SLC9C1: variants seen among roughly 807,000 people sequenced by gnomAD.
SLC9C1 encodes sodium/hydrogen exchanger 10.
SLC9C1 carries 97 observed loss-of-function variants against 140.9 expected under a neutral mutation model. The observed-to-expected ratio is 0.69, with a 90% CI of 0.58 to 0.82. The LOEUF (loss-of-function observed/expected upper bound fraction) is 0.82, where lower values mean the gene tolerates loss of function less well. SLC9C1 is among the 40% of genes least tolerant of loss of function. SLC9C1 has a pLI of 0.00. For missense variants in SLC9C1, 1,340 were observed against 1,389.3 expected, an observed-to-expected ratio of 0.96 and a Z score of 0.56; for synonymous variants, 440 against 442.6, an observed-to-expected ratio of 0.99 and a Z score of 0.07.
chr3:112,262,863 T>C (rs1000014739), intron 10 of SLC9C1, 61 bp downstream of exon 10: 60 of 1,332,060 alleles, frequency 4.5e-5, no homozygotes, highest in Non-Finnish European at 2.0e-5. Flanking sequence ...AAAACATATA[T>C]TTTAAATACA....
At chr3:112,166,895 G>A (rs1043929308) in intron 26 of SLC9C1, among the ~76,000 whole-genome samples, 1 of 152,006 alleles carries the variant, frequency 6.6e-6, no homozygotes, top group African/African-American at 2.4e-5. Flanking sequence ...TATGTTTGTT[G>A]TTCAGACAGT....
At chr3:112,161,834 G>A (rs1560014855) in intron 26 of SLC9C1, among the ~76,000 whole-genome samples, 8 of 150,446 alleles carry the variant, frequency 5.3e-5, no homozygotes, top group Admixed American at 4.6e-4. Context: ...GATGGGGATG[G>A]CATTGAATCT....
At chr3:112,272,159 C>G (rs1295595769) in intron 6 of SLC9C1, among the ~76,000 whole-genome samples, 1 of 152,130 alleles carries the variant, frequency 6.6e-6, no homozygotes, top group South Asian at 2.1e-4. Context: ...TCCAGCATCT[C>G]CTGTCACTGA....
intron 12 of SLC9C1, among the ~76,000 whole-genome samples, chr3:112,235,289 G>A (rs1234309385): frequency 7.4e-6 from 1 of 136,034 alleles, no homozygotes; most frequent in Non-Finnish European, 1.6e-5. Context: ...TGTTATTGGT[G>A]TATAAGAATG....
chr3:112,285,388 A>G (rs2080479574), intron 2 of SLC9C1, among the ~76,000 whole-genome samples: 1 of 151,978 alleles, frequency 6.6e-6, no homozygotes, highest in African/African-American at 2.4e-5. Flanking sequence ...ATAGGTGTGC[A>G]CCACCACTCC....
chr3:112,172,271 T>A (rs892451641), intron 23 of SLC9C1, among the ~76,000 whole-genome samples: 1 of 152,158 alleles, frequency 6.6e-6, no homozygotes. Flanking sequence ...ATGGTTTTCA[T>A]TGTAGAGTTA....
rs1483544519 is a variant in SLC9C1 at position 112,277,851 on chromosome 3, T to A, written c.328A>T (p.Ile110Phe). 3 of 1,594,098 alleles carry A rather than the reference T, an allele frequency of 1.9e-6. No individual in the cohort carries two copies. The East Asian group carries it at 6.7e-5, about 36-fold the overall frequency. Residue 110 changes from isoleucine (I) to phenylalanine (F), a missense_variant, in exon 5 of 29, where the codon ATT (isoleucine) becomes TTT (phenylalanine). Transcript: ENST00000305815. ...LQKLFWQILL[I>F]SIPGFLVNYI... ...TTAACCAAAAAGCCGGGAATTGAAA[T>A]TAAAAGTATCTGCAAAGAAATTTTA...
chr3:112,143,383 C>G (rs1306479832), intron 28 of SLC9C1, among the ~76,000 whole-genome samples: 1 of 152,164 alleles, frequency 6.6e-6, no homozygotes, highest in African/African-American at 2.4e-5. Context: ...TTCCTTTTCT[C>G]TGCAGCTTCA....
At chr3:112,250,315 T>C (rs2079417261) in intron 10 of SLC9C1, among the ~76,000 whole-genome samples, 1 of 151,694 alleles carries the variant, frequency 6.6e-6, no homozygotes, top group East Asian at 1.9e-4. Flanking sequence ...TCTATCATTG[T>C]TGGACATTTG....
chr3:112,208,113 A>T (rs900809654), intron 16 of SLC9C1, 65 bp downstream of exon 16: 2 of 1,290,216 alleles, frequency 1.6e-6, no homozygotes, highest in Non-Finnish European at 2.1e-6. Context: ...GTGTTGAAAA[A>T]CAAGGCTAGG....
chr3:112,274,877 T>A lies in SLC9C1; in HGVS notation c.613+20A>T, dbSNP rs200623763. The A allele has an allele frequency of 9.2e-6, 14 of 1,516,798 alleles. No homozygotes were observed. The East Asian group carries it at 1.7e-4, about 18-fold the overall frequency. 94.0% of individuals were successfully genotyped at this position (1,516,798 alleles called of 1,614,324 possible). ...TACAGGATTCTGATGTTGAGAAAAA[T>A]TTTTTAAAAATATACTTACCTAAGG... is the stretch of plus-strand genomic sequence containing the variant. On this transcript the variant is annotated intron_variant, in intron 6 of 28. Transcript: ENST00000305815.
In SLC9C1 at chr3:112,291,227, A is replaced by G. The variant is rs182258565; in HGVS notation, c.-88+2866T>C. On this transcript the variant is annotated intron_variant, in intron 1 of 28. Coordinates refer to ENST00000305815, the MANE Select transcript of SLC9C1 (RefSeq NM_183061.3). ...AGGAGTGGGCTAAGGTTTCACGACA[A>G]AGACATCAAAAGCAATCACAACAAA... Among the ~76,000 whole-genome samples the G allele has an allele frequency of 2.8e-4, 42 of 152,304 alleles. No homozygotes were observed. In the East Asian group the frequency reaches 6.0e-3, roughly 22 times the overall value.
At chr3:112,286,392 C>T (rs1282449226) in intron 2 of SLC9C1, among the ~76,000 whole-genome samples, 1 of 152,120 alleles carries the variant, frequency 6.6e-6, no homozygotes, top group Non-Finnish European at 1.5e-5. Context: ...GACACCCTGC[C>T]CCAACCCTTG....
At chr3:112,263,756 C>T (rs2079840968) in intron 9 of SLC9C1, among the ~76,000 whole-genome samples, 2 of 151,716 alleles carry the variant, frequency 1.3e-5, no homozygotes, top group East Asian at 1.9e-4. Flanking sequence ...ACTTTTTCTA[C>T]CTCTTAACAG....
chr3:112,208,952 C>A (rs1355454518), intron 15 of SLC9C1, among the ~76,000 whole-genome samples: 12 of 151,960 alleles, frequency 7.9e-5, no homozygotes, highest in Admixed American at 5.2e-4. Flanking sequence ...AATTTTATCA[C>A]AAAATTTAAA....
At chr3:112,159,301 A>G (rs2075219272) in intron 26 of SLC9C1, among the ~76,000 whole-genome samples, 1 of 151,990 alleles carries the variant, frequency 6.6e-6, no homozygotes, top group Non-Finnish European at 1.5e-5. Flanking sequence ...ACGTATTTAA[A>G]AAAACTTTCA....
intron 8 of SLC9C1, 85 bp downstream of exon 8, chr3:112,266,153 G>A (rs908629621): frequency 1.4e-5 from 14 of 989,228 alleles, no homozygotes; most frequent in Non-Finnish European, 1.8e-5. Context: ...ATCTTACTTC[G>A]ACCATGTAGA....
intron 23 of SLC9C1, among the ~76,000 whole-genome samples, 175 bp downstream of exon 23, chr3:112,179,356 G>A (rs1294556746): frequency 6.6e-6 from 1 of 151,538 alleles, no homozygotes; most frequent in African/African-American, 2.4e-5. Context: ...AAGCTATTTT[G>A]CCAGGGCTTT....
At chr3:112,164,007 A>T (rs2075387764) in intron 26 of SLC9C1, among the ~76,000 whole-genome samples, 1 of 152,136 alleles carries the variant, frequency 6.6e-6, no homozygotes, top group Non-Finnish European at 1.5e-5. Flanking sequence ...TGTTGAATTT[A>T]TCCCTTTACC....
Sources: gnomAD v4.1 joint callset for allele counts (sites outside exome capture counted in the v4.1 genomes callset) on GRCh38, gnomAD v4.1.1 for gene constraint, MANE v1.5 for transcripts, NCBI Gene and HGNC (gene_info 2026-07-23, HGNC 2026-07-21) for gene names.